The following COL22A1 variants were observed in gnomAD, a reference collection of about 807,000 sequenced individuals.
COL22A1 encodes collagen type XXII alpha 1 chain.
In COL22A1, 221 loss-of-function variants were observed where a neutral mutation model predicts 248.9. The observed-to-expected ratio is 0.89, with a 90% CI of 0.80 to 0.99. The LOEUF (loss-of-function observed/expected upper bound fraction) is 0.99. Among genes scored for constraint, COL22A1 ranks in the 50% least tolerant of loss-of-function variants. COL22A1 has a pLI of 0.00. For missense variants in COL22A1, 2,240 were observed against 2,179.0 expected, an observed-to-expected ratio of 1.03 and a Z score of -0.56; for synonymous variants, 891 against 793.4, an observed-to-expected ratio of 1.12 and a Z score of -2.07.
intron 27 of COL22A1, among the ~76,000 whole-genome samples, chr8:138,717,236 C>T (rs1829513615): frequency 6.6e-6 from 1 of 152,080 alleles, no homozygotes; most frequent in Non-Finnish European, 1.5e-5. Flanking sequence ...CAAGCTCTGC[C>T]TCCCGGGTTC....
chr8:138,598,758 G>C lies in COL22A1; in HGVS notation c.4326C>G (p.Pro1442=), dbSNP rs891548449. ...ATCCCGGCTGGCCTGGAGGCCCTGG[G>C]GGTCCAACTGGTCCATTCTCCCCAG... The part of the protein sequence containing the change: ...GLPGENGPVG[P]PGPPGQPGFP... Residue 1442 remains proline, a synonymous_variant, in exon 61 of 65, where the codon CCC becomes CCG. Coordinates refer to ENST00000303045, the MANE Select transcript of COL22A1 (RefSeq NM_152888.3). 1.4e-5 allele frequency: 22 copies of C among 1,613,852 alleles called. No individual in the cohort carries two copies. The highest frequency in any genetic ancestry group is 1.9e-5 in the Non-Finnish European group (22 of 1,179,960).
chr8:138,729,618 G>A lies in COL22A1; in HGVS notation c.2140-4178C>T, dbSNP rs1830564307. ...GCTCTTCCAGGAGGGATCACAAAAA[G>A]GGTGAGGTGATTTGCTTCCAGCCTC... On this transcript the variant is annotated intron_variant, in intron 23 of 64. Transcript: ENST00000303045. Among the ~76,000 whole-genome samples, 5 of 152,340 alleles carry A rather than the reference G, an allele frequency of 3.3e-5. No individual in the cohort carries two copies. In the South Asian group the frequency reaches 1.0e-3, roughly 32 times the overall value.
intron 11 of COL22A1, among the ~76,000 whole-genome samples, chr8:138,800,099 A>T (rs1816871614): frequency 6.6e-6 from 1 of 152,184 alleles, no homozygotes; most frequent in Non-Finnish European, 1.5e-5. Flanking sequence ...CTGCTCTGGA[A>T]CTGGGAGCTG....
At position 138,785,770 on chromosome 8, in the gene COL22A1, C is replaced by T. The variant is rs376645545; in HGVS notation, c.1597-4790G>A. ...AGTAGATGTCTGTGTGAATTTCTCTCGTCCACAAGATGGGAGCTCTGTGAG... is the reference window on the plus strand; with the variant it reads ...AGTAGATGTCTGTGTGAATTTCTCTTGTCCACAAGATGGGAGCTCTGTGAG... On this transcript the variant is annotated intron_variant, in intron 12 of 64. Coordinates refer to ENST00000303045, the MANE Select transcript of COL22A1 (RefSeq NM_152888.3). Among the ~76,000 whole-genome samples the T allele has an allele frequency of 3.3e-5, 5 of 152,326 alleles. No homozygotes were observed. The South Asian group carries it at 6.2e-4, about 19-fold the overall frequency.
intron 41 of COL22A1, among the ~76,000 whole-genome samples, chr8:138,666,764 A>C (rs1824539291): frequency 6.6e-6 from 1 of 152,206 alleles, no homozygotes. Context: ...CCCAGGATCC[A>C]CTTTGAGCAT....
intron 5 of COL22A1, among the ~76,000 whole-genome samples, chr8:138,832,768 T>A (rs1302695068): frequency 1.3e-5 from 2 of 152,140 alleles, no homozygotes; most frequent in African/African-American, 4.8e-5. Flanking sequence ...GAAAAACACA[T>A]GTATGAATGA....
rs201994075 is a variant in COL22A1 at position 138,877,896 on chromosome 8, C to T, written c.512G>A (p.Arg171His). ...AAAAAHRAGI[R>H]IFAVGVGEAL... ...CTCGCCCACGCCCACGGCAAAGATG[C>T]GGATGCCAGCGCGGTGGGCTGCCGC... Residue 171 changes from arginine to histidine, a missense_variant, in exon 3 of 65, where the codon CGC becomes CAC. Arg to His is a conservative substitution (Grantham distance 29). Transcript: ENST00000303045. 8.1e-6 allele frequency: 13 copies of T among 1,611,208 alleles called. No homozygotes were observed. The highest frequency in any genetic ancestry group is 2.2e-5 in the East Asian group (1 of 44,772).
intron 41 of COL22A1, among the ~76,000 whole-genome samples, chr8:138,671,155 T>C (rs1443667190): frequency 3.3e-5 from 5 of 152,048 alleles, no homozygotes; most frequent in African/African-American, 7.2e-5. Flanking sequence ...AACTGCCAAA[T>C]GACCCAGTGG....
chr8:138,597,078 C>T (rs998192556), intron 61 of COL22A1, 108 bp from the exon 62 acceptor site: 3 of 786,904 alleles, frequency 3.8e-6, no homozygotes, highest in Non-Finnish European at 6.5e-6. Flanking sequence ...TATACCCACA[C>T]AGGGAAGCAC....
chr8:138,867,755 A>T (rs1349475691), intron 3 of COL22A1, among the ~76,000 whole-genome samples: 1 of 152,060 alleles, frequency 6.6e-6, no homozygotes, highest in Non-Finnish European at 1.5e-5. Context: ...TTATTATTGT[A>T]TTTATTTATT....
chr8:138,852,186 A>G (rs769173350), intron 3 of COL22A1, among the ~76,000 whole-genome samples: 4 of 151,700 alleles, frequency 2.6e-5, no homozygotes, highest in Non-Finnish European at 4.4e-5. Flanking sequence ...GGGCTGATGG[A>G]CCCTGGTAAG....
At chr8:138,903,484 AAGTGG>A (rs147615221) in intron 1 of COL22A1, among the ~76,000 whole-genome samples, 200 of 152,306 alleles carry the variant, frequency 1.3e-3, no homozygotes, top group Non-Finnish European at 2.2e-3. Context: ...AATGGGCTTT[AAGTGG>A]AGTTGGAGAG....
At chr8:138,617,900 C>T (rs529206492) in intron 53 of COL22A1, among the ~76,000 whole-genome samples, 3 of 152,290 alleles carry the variant, frequency 2.0e-5, no homozygotes, top group South Asian at 2.1e-4. Context: ...AAGGACTGCA[C>T]AGTGCTCTCC....
intron 25 of COL22A1, among the ~76,000 whole-genome samples, chr8:138,722,565 G>C (rs921599998): frequency 6.6e-6 from 1 of 152,146 alleles, no homozygotes; most frequent in Admixed American, 6.5e-5. Flanking sequence ...TGGCATTACT[G>C]CCTGTTATTT....
At chr8:138,768,830 G>A (rs990971449) in intron 16 of COL22A1, among the ~76,000 whole-genome samples, 9 of 151,982 alleles carry the variant, frequency 5.9e-5, no homozygotes, top group Admixed American at 2.6e-4. Context: ...CCAGCTATTC[G>A]GGAGGCTGAG....
At chr8:138,642,391 T>C (rs1284591541) in intron 47 of COL22A1, among the ~76,000 whole-genome samples, 2 of 152,222 alleles carry the variant, frequency 1.3e-5, no homozygotes, top group Non-Finnish European at 2.9e-5. Flanking sequence ...CACTGAGCAC[T>C]CTGCCCAACG....
At chr8:138,782,130 G>A (rs1257317492) in intron 12 of COL22A1, among the ~76,000 whole-genome samples, 4 of 152,236 alleles carry the variant, frequency 2.6e-5, no homozygotes, top group African/African-American at 9.6e-5. Flanking sequence ...ATAAGTCAGT[G>A]TGATATTGAA....
At chr8:138,630,808 C>A (rs924912365) in intron 49 of COL22A1, 60 bp from the exon 50 acceptor site, 5 of 1,435,186 alleles carry the variant, frequency 3.5e-6, no homozygotes, top group Non-Finnish European at 4.9e-6. Flanking sequence ...TCATTAGCAC[C>A]CTCTGCTTTG....
intron 6 of COL22A1, among the ~76,000 whole-genome samples, chr8:138,822,962 C>A (rs568973497): frequency 6.6e-6 from 1 of 152,200 alleles, no homozygotes; most frequent in Non-Finnish European, 1.5e-5. Flanking sequence ...GTTTCCTTAA[C>A]CCTTATCCCT....
Sources: gnomAD v4.1 joint callset for allele counts (sites outside exome capture counted in the v4.1 genomes callset) on GRCh38, gnomAD v4.1.1 for gene constraint, MANE v1.5 for transcripts, NCBI Gene and HGNC (gene_info 2026-07-23, HGNC 2026-07-21) for gene names.